The following ATP2B2 variants were observed in gnomAD, a reference collection of about 807,000 sequenced individuals.
ATP2B2 encodes the protein ATPase plasma membrane Ca2+ transporting 2.
A neutral mutation model predicts 120.0 loss-of-function variants in ATP2B2; 15 were observed. The observed-to-expected ratio is 0.12, with a 90% confidence interval of 0.08 to 0.19. The LOEUF is 0.19. Among genes scored for constraint, ATP2B2 ranks in the 10% least tolerant of loss-of-function variants. The pLI, the probability that ATP2B2 is intolerant of heterozygous loss-of-function variation, is 1.00. For missense variants in ATP2B2, 1,045 were observed against 1,719.8 expected, an observed-to-expected ratio of 0.61 and a Z score of 6.94; for synonymous variants, 694 against 700.3, an observed-to-expected ratio of 0.99 and a Z score of 0.14.
intron 12 of ATP2B2, among the ~76,000 whole-genome samples, chr3:10,366,551 C>T (rs776364140): frequency 2.6e-5 from 4 of 152,204 alleles, no homozygotes; most frequent in African/African-American, 4.8e-5. Flanking sequence ...TCCGCAAGTG[C>T]CCATCCTCAG....
chr3:10,543,369 G>A (rs1446052361), intron 2 of ATP2B2, among the ~76,000 whole-genome samples: 1 of 152,136 alleles, frequency 6.6e-6, no homozygotes, highest in Non-Finnish European at 1.5e-5. Flanking sequence ...TATCTGAAAA[G>A]GCTATTAAAA....
chr3:10,651,520 A>G (rs2125666536), intron 1 of ATP2B2, among the ~76,000 whole-genome samples: 1 of 152,334 alleles, frequency 6.6e-6, no homozygotes, highest in East Asian at 1.9e-4. Context: ...AGCCACATGG[A>G]ACTGTAAGTC....
At position 10,369,680 on chromosome 3, in the gene ATP2B2, A is replaced by T. The variant is rs76173116; in HGVS notation, c.1659+2129T>A. Among the ~76,000 whole-genome samples the T allele has an allele frequency of 1.0e-3, 153 of 152,254 alleles. 2 individuals carry two copies. In the East Asian group the frequency reaches 0.018, roughly 17 times the overall value. On this transcript the variant is annotated intron_variant, in intron 12 of 22. Transcript: ENST00000360273. ...TGTGCCGAGCACTTTCCATTAACTA[A>T]CTCACTTTATCCTCACAACAATCCA...
chr3:10,529,866 C>T (rs1045741961), intron 3 of ATP2B2, among the ~76,000 whole-genome samples: 12 of 152,074 alleles, frequency 7.9e-5, no homozygotes, highest in Admixed American at 2.6e-4. Context: ...TGGGGGAAGA[C>T]GATGTGAAGG....
intron 2 of ATP2B2, among the ~76,000 whole-genome samples, chr3:10,544,395 C>G (rs1437549829): frequency 6.6e-6 from 1 of 152,160 alleles, no homozygotes; most frequent in Non-Finnish European, 1.5e-5. Context: ...TCTCATCAAA[C>G]AGAGTTTAAC....
At chr3:10,669,546 AC>A (rs1366782073) in intron 1 of ATP2B2, among the ~76,000 whole-genome samples, 2 of 152,080 alleles carry the variant, frequency 1.3e-5, no homozygotes, top group Non-Finnish European at 2.9e-5. Context: ...AGTTACAAAT[AC>A]AGGAGCTGGG....
Position 10,340,720 on chromosome 3 carries a change from G to C in ATP2B2, c.2918-16C>G. On this transcript the variant is annotated splice_polypyrimidine_tract_variant and intron_variant, in intron 19 of 22. Coordinates refer to ENST00000360273, the MANE Select transcript of ATP2B2 (RefSeq NM_001001331.4). The surrounding 1 kb of genome is among the most constrained non-coding windows in gnomAD (Gnocchi z 5.0). ...ATCTTCTCGCCTGCCAAGTGAGAGAGTGGGGCTGGGCTGAAGGCAGTGGTG... is the reference window on the plus strand; with the variant it reads ...ATCTTCTCGCCTGCCAAGTGAGAGACTGGGGCTGGGCTGAAGGCAGTGGTG... 1 of 1,613,620 alleles carries C rather than the reference G, an allele frequency of 6.2e-7. No homozygotes were observed. The highest frequency in any genetic ancestry group is 1.1e-5 in the South Asian group (1 of 91,064).
At chr3:10,371,088 C>A (rs2061227292) in intron 12 of ATP2B2, among the ~76,000 whole-genome samples, 1 of 152,236 alleles carries the variant, frequency 6.6e-6, no homozygotes, top group African/African-American at 2.4e-5. Flanking sequence ...CCTTACAGCA[C>A]CTCTCATCAA....
At chr3:10,677,696 A>T (rs1336672403) in intron 1 of ATP2B2, among the ~76,000 whole-genome samples, 1 of 152,162 alleles carries the variant, frequency 6.6e-6, no homozygotes, top group Non-Finnish European at 1.5e-5. Flanking sequence ...TGAACCTAAG[A>T]TTACTCTAAA....
intron 2 of ATP2B2, among the ~76,000 whole-genome samples, chr3:10,420,244 C>T (rs1575175133): frequency 2.0e-5 from 3 of 152,322 alleles, no homozygotes; most frequent in South Asian, 2.1e-4. Flanking sequence ...GAAGCCATAC[C>T]GCTTCAAGAC....
intron 2 of ATP2B2, among the ~76,000 whole-genome samples, chr3:10,591,273 T>A (rs2068637083): frequency 6.6e-6 from 1 of 152,156 alleles, no homozygotes. Flanking sequence ...CACTTGCATG[T>A]TCCACAACGC....
chr3:10,673,379 T>C (rs2071161472), intron 1 of ATP2B2, among the ~76,000 whole-genome samples: 1 of 148,946 alleles, frequency 6.7e-6, no homozygotes, highest in South Asian at 2.1e-4. Context: ...AATTTCAATA[T>C]GTAAAGAAAA....
At chr3:10,510,503 G>T (rs890756466), upstream of ATP2B2, among the ~76,000 whole-genome samples, 4 of 152,206 alleles carry the variant, frequency 2.6e-5, no homozygotes, top group African/African-American at 9.7e-5. Context: ...TGGGACCTAG[G>T]TTTCCCAAAG....
chr3:10,440,100 TAAAA>T lies in ATP2B2; in HGVS notation c.199+9241_199+9244del, dbSNP rs71055819. 1.7e-3 allele frequency among the ~76,000 whole-genome samples: 47 copies of T among 28,162 alleles called. No homozygotes were observed. The South Asian group carries it at 0.098, about 59-fold the overall frequency. The allele number at this position is 28,162 out of a possible 152,430, so 18.5% of individuals were successfully genotyped here. On this transcript the variant is annotated intron_variant, in intron 2 of 22. Transcript: ENST00000360273. ...CTGGGCAACAGAGTGAGACTCTATC[TAAAA>T]AAAAAAAAAAAAAAAAAAAAAAAAA...
chr3:10,328,914 C>CTGT lies in ATP2B2; in HGVS notation c.3629_3631dup (p.Asn1210dup). The CTGT allele has an allele frequency of 6.2e-7, 1 of 1,613,850 alleles. No individual in the cohort carries two copies. The highest frequency in any genetic ancestry group is 1.1e-5 in the South Asian group (1 of 91,058). On this transcript the variant is annotated inframe_insertion, in exon 23 of 23. Coordinates refer to ENST00000360273, the MANE Select transcript of ATP2B2 (RefSeq NM_001001331.4). ...CAGGTTGATCCCACTGTCGATGGCG[C>CTGT]TGTTGTTCTTGTTGAGGGATGACGG...
chr3:10,611,380 G>T (rs1308491094), intron 2 of ATP2B2, among the ~76,000 whole-genome samples: 1 of 152,202 alleles, frequency 6.6e-6, no homozygotes, highest in Non-Finnish European at 1.5e-5. Flanking sequence ...TTGGGCAGAG[G>T]GGTGTGGGAA....
intron 1 of ATP2B2, among the ~76,000 whole-genome samples, chr3:10,470,155 T>C (rs1270602638): frequency 1.3e-5 from 2 of 152,142 alleles, no homozygotes; most frequent in Non-Finnish European, 2.9e-5. Context: ...CAGGGCTGTC[T>C]CTGACGAGGA....
chr3:10,696,429 G>A (rs941333423), intron 1 of ATP2B2, among the ~76,000 whole-genome samples: 2 of 152,168 alleles, frequency 1.3e-5, no homozygotes, highest in Admixed American at 1.3e-4. Flanking sequence ...CTCCCACAGC[G>A]AGGGCAGGTG....
intron 3 of ATP2B2, among the ~76,000 whole-genome samples, chr3:10,408,294 T>C (rs2062487172): frequency 6.6e-6 from 1 of 152,198 alleles, no homozygotes; most frequent in African/African-American, 2.4e-5. Flanking sequence ...ACTGTCCCTG[T>C]CAACTTCCCT....
Sources: allele counts gnomAD v4.1 joint callset (sites outside exome capture counted in the v4.1 genomes callset), GRCh38; gene constraint gnomAD v4.1.1; non-coding constraint Gnocchi (gnomAD v3.1); transcripts MANE v1.5; gene names NCBI Gene and HGNC (gene_info 2026-07-23, HGNC 2026-07-21).